Variants in FER observed in about 807,000 individuals in gnomAD.
FER encodes FER tyrosine kinase.
In FER, 63 loss-of-function variants were observed where a neutral mutation model predicts 111.0. The observed-to-expected ratio is 0.57, with a 90% CI of 0.46 to 0.70. The LOEUF (loss-of-function observed/expected upper bound fraction) is 0.70. Ranked by LOEUF, FER falls within the 30% of genes least tolerant of loss-of-function variation. The pLI is 0.00. For missense variants in FER, 914 were observed against 954.0 expected (o/e 0.96, Z 0.55); for synonymous variants, 327 against 313.9 (o/e 1.04, Z -0.44).
intron 17 of FER, among the ~76,000 whole-genome samples, chr5:109,104,454 C>T (rs760262113): frequency 6.6e-6 from 1 of 152,140 alleles, no homozygotes; most frequent in Non-Finnish European, 1.5e-5. Context: ...CTAATATGAC[C>T]TGTCAGTATG....
chr5:108,749,814 C>G (rs1188071830), intron 1 of FER, among the ~76,000 whole-genome samples: 1 of 152,152 alleles, frequency 6.6e-6, no homozygotes, highest in Non-Finnish European at 1.5e-5. Flanking sequence ...ACAGTTACCC[C>G]TAGGATCTAC....
At chr5:109,071,152 G>A (rs191557406) in intron 16 of FER, among the ~76,000 whole-genome samples, 1 of 151,970 alleles carries the variant, frequency 6.6e-6, no homozygotes, top group East Asian at 1.9e-4. Flanking sequence ...GCCCTCTTTC[G>A]CTTCCAGGTT....
intron 3 of FER, among the ~76,000 whole-genome samples, chr5:108,801,661 T>C (rs896969771): frequency 1.6e-4 from 25 of 152,334 alleles, no homozygotes; most frequent in African/African-American, 6.0e-4. Context: ...AAATTTCCTT[T>C]TTCTTCTTTT....
chr5:109,096,802 G>A (rs542315926), intron 16 of FER, among the ~76,000 whole-genome samples: 1 of 151,742 alleles, frequency 6.6e-6, no homozygotes, highest in South Asian at 2.1e-4. Context: ...AATGGTAGAG[G>A]GGCAGTCTCA....
chr5:109,023,420 C>A (rs903319113), intron 13 of FER, among the ~76,000 whole-genome samples: 1 of 152,112 alleles, frequency 6.6e-6, no homozygotes, highest in African/African-American at 2.4e-5. Flanking sequence ...CAAGTAGGCA[C>A]TTGGATACGT....
intron 2 of FER, among the ~76,000 whole-genome samples, chr5:108,781,809 C>T (rs938971802): frequency 6.6e-6 from 1 of 152,166 alleles, no homozygotes; most frequent in African/African-American, 2.4e-5. Flanking sequence ...AGAACCCCAG[C>T]AGGCTCTGAC....
intron 13 of FER, among the ~76,000 whole-genome samples, chr5:109,015,451 A>C (rs1420441360): frequency 6.6e-6 from 1 of 151,874 alleles, no homozygotes; most frequent in Non-Finnish European, 1.5e-5. Flanking sequence ...TCCTTCTTTC[A>C]TGCCACATTA....
At position 109,024,889 on chromosome 5, in the gene FER, T is replaced by G. The variant is rs578223373; in HGVS notation, c.1657-12533T>G. ...TATTAAATAGGGAATCCTTTCCCCA[T>G]TGCTTGTTTTTCTCAGGTTTGTCAA... is the stretch of plus-strand genomic sequence containing the variant. On this transcript the variant is annotated intron_variant, in intron 13 of 19. Transcript: ENST00000281092. 6.8e-3 allele frequency among the ~76,000 whole-genome samples: 1,026 copies of G among 150,974 alleles called. 13 individuals carry two copies. The highest frequency in any genetic ancestry group is 0.023 in the African/African-American group (956 of 41,328).
intron 1 of FER, among the ~76,000 whole-genome samples, chr5:108,751,809 C>A (rs1750540616): frequency 6.6e-6 from 1 of 152,044 alleles, no homozygotes; most frequent in South Asian, 2.1e-4. Flanking sequence ...TGATATAAAA[C>A]TTCAATTTAT....
intron 13 of FER, among the ~76,000 whole-genome samples, chr5:108,981,465 C>T (rs1310396784): frequency 3.9e-5 from 6 of 151,978 alleles, no homozygotes; most frequent in African/African-American, 1.2e-4. Flanking sequence ...ATCAAGGTTC[C>T]TCTAAAGTCG....
intron 13 of FER, among the ~76,000 whole-genome samples, chr5:109,011,686 G>A (rs1766288131): frequency 6.6e-6 from 1 of 152,056 alleles, no homozygotes; most frequent in Admixed American, 6.6e-5. Context: ...AAGTTTGCCT[G>A]CATGCGTTCA....
intron 10 of FER, among the ~76,000 whole-genome samples, chr5:108,928,360 C>G (rs1212834569): frequency 6.6e-6 from 1 of 152,130 alleles, no homozygotes; most frequent in Non-Finnish European, 1.5e-5. Context: ...TTTACTGCTG[C>G]CAATTGGCAA....
At chr5:108,774,025 G>T (rs1753211003) in intron 2 of FER, among the ~76,000 whole-genome samples, 1 of 151,670 alleles carries the variant, frequency 6.6e-6, no homozygotes, top group African/African-American at 2.4e-5. Flanking sequence ...CGCACCTATT[G>T]ACCCATCCTG....
At chr5:109,070,180 A>G (rs577641846) in intron 16 of FER, among the ~76,000 whole-genome samples, 2 of 152,036 alleles carry the variant, frequency 1.3e-5, no homozygotes, top group East Asian at 3.9e-4. Context: ...AAGTCCAGAA[A>G]TAGCTTTTAA....
rs1478631679 is a variant in FER at position 109,179,827 on chromosome 5, TG to T, written c.2049-919del. 1.1e-4 allele frequency among the ~76,000 whole-genome samples: 17 copies of T among 152,296 alleles called. 1 individual carries two copies. Among genetic ancestry groups the T allele is most frequent in the Admixed American group, 9.2e-4 (14 of 15,298 alleles). ...TTGAGCATCTTTGGATTTTGGTATCTGAGGGGGGGTCCTGGAACCAATCATG... is the reference window on the plus strand; with the variant it reads ...TTGAGCATCTTTGGATTTTGGTATCTAGGGGGGGTCCTGGAACCAATCATG... On this transcript the variant is annotated intron_variant, in intron 17 of 19. Coordinates refer to ENST00000281092, the MANE Select transcript of FER (RefSeq NM_005246.4).
intron 16 of FER, among the ~76,000 whole-genome samples, chr5:109,084,644 G>T (rs1777358283): frequency 6.6e-6 from 1 of 151,672 alleles, no homozygotes; most frequent in Non-Finnish European, 1.5e-5. Context: ...CCCCTCTTTT[G>T]TGTGGTTACT....
chr5:108,749,265 C>T (rs1477807494), intron 1 of FER, among the ~76,000 whole-genome samples: 1 of 152,150 alleles, frequency 6.6e-6, no homozygotes, highest in African/African-American at 2.4e-5. Flanking sequence ...TTGGGCCGGG[C>T]TACACACCCA....
At chr5:108,889,285 A>G (rs1248637606) in intron 9 of FER, among the ~76,000 whole-genome samples, 1 of 151,932 alleles carries the variant, frequency 6.6e-6, no homozygotes, top group South Asian at 2.1e-4. Flanking sequence ...ACTATTCACA[A>G]TAGTCAAGAG....
chr5:108,754,935 A>G (rs1189130565), intron 1 of FER, among the ~76,000 whole-genome samples: 2 of 152,224 alleles, frequency 1.3e-5, no homozygotes, highest in Admixed American at 1.3e-4. Flanking sequence ...ACCACGTATA[A>G]TATACAGTTC....
Sources: gnomAD v4.1 joint callset for allele counts (sites outside exome capture counted in the v4.1 genomes callset) on GRCh38, gnomAD v4.1.1 for gene constraint, MANE v1.5 for transcripts, NCBI Gene and HGNC (gene_info 2026-07-23, HGNC 2026-07-21) for gene names.